Variants in ADAMTS5 observed in about 807,000 individuals in gnomAD.
The protein encoded by ADAMTS5 is A disintegrin and metalloproteinase with thrombospondin motifs 5.
A neutral mutation model predicts 81.4 loss-of-function variants in ADAMTS5; 54 were observed. The ratio of observed to expected loss-of-function variants is 0.66; its 90% confidence interval spans 0.53 to 0.83. The LOEUF is 0.83. ADAMTS5 is among the 40% of genes least tolerant of loss of function. ADAMTS5 has a pLI of 0.00. For synonymous variants in ADAMTS5, 532 were observed against 508.8 expected (o/e 1.05, Z -0.61); for missense variants, 1,194 against 1,229.9 (o/e 0.97, Z 0.44).
rs1349876116 is a variant in ADAMTS5 at position 26,920,705 on chromosome 21, G to A, written c.*3348C>T. On this transcript the variant is annotated 3_prime_UTR_variant, in exon 8 of 8. Coordinates refer to ENST00000284987, the MANE Select transcript of ADAMTS5 (RefSeq NM_007038.5). ...TCTGTAGGAAGCTTCTAGGCTATTT[G>A]TGTACCCAAATTTAAAACTTGCACC... The A allele has an allele frequency of 2.6e-5, 4 of 152,050 alleles. No homozygotes were observed. Among genetic ancestry groups the A allele is most frequent in the Non-Finnish European group, 5.9e-5 (4 of 67,964 alleles). 9.4% of individuals were successfully genotyped at this position (152,050 alleles called of 1,614,324 possible).
chr21:26,928,667 CTT>C (rs1404534652), intron 7 of ADAMTS5, among the ~76,000 whole-genome samples: 11 of 146,944 alleles, frequency 7.5e-5, no homozygotes, highest in Admixed American at 4.7e-4. Context: ...CTTTCTTTCT[CTT>C]TCTTTCTTTC....
At chr21:26,924,733 T>G (rs1986776488) in intron 7 of ADAMTS5, 113 bp from the exon 8 acceptor site, 2 of 894,560 alleles carry the variant, frequency 2.2e-6, no homozygotes, top group African/African-American at 3.3e-5. Flanking sequence ...TAAAAAGTCT[T>G]CTCTTAACAC....
chr21:26,963,633 T>C (rs553712829), intron 1 of ADAMTS5, among the ~76,000 whole-genome samples: 18 of 62,432 alleles, frequency 2.9e-4, no homozygotes, highest in African/African-American at 1.0e-3. Context: ...ACACGGAAAG[T>C]TGCTTACCAA....
intron 3 of ADAMTS5, among the ~76,000 whole-genome samples, chr21:26,940,059 T>C (rs1987084857): frequency 6.6e-6 from 1 of 152,238 alleles, no homozygotes; most frequent in Non-Finnish European, 1.5e-5. Flanking sequence ...TCAGTACTAA[T>C]GAATTTACAT....
chr21:26,932,841 G>A lies in ADAMTS5; in HGVS notation c.1873+20C>T. 8 of 1,585,780 alleles carry A rather than the reference G, an allele frequency of 5.0e-6. No homozygotes were observed. The highest frequency in any genetic ancestry group is 6.8e-6 in the Non-Finnish European group (8 of 1,169,220). On this transcript the variant is annotated intron_variant, in intron 5 of 7. Transcript: ENST00000284987. ...TGACATGTAGCATATGATGGTTGCT[G>A]ACACTTGGGAGCAGCGTACCATTGG...
rs1250704662 is a variant in ADAMTS5 at position 26,965,871 on chromosome 21, G to T, written c.521C>A (p.Ala174Glu). The change falls in exon 1 of 8, where the codon GCG becomes GAG. Residue 174 changes from alanine to glutamate, a missense_variant. Physicochemically the swap from Ala to Glu is moderately radical, Grantham distance 107. Coordinates refer to ENST00000284987, the MANE Select transcript of ADAMTS5 (RefSeq NM_007038.5). The stretch of plus-strand genomic sequence containing the variant: ...GTACACGCGCCCCTTTTCTTCCTCC[G>T]CCCAGGGTCCGCGCAGCAGTGGCTT... ...TLKPLLRGPW[A>E]EEEKGRVYGD... The T allele has an allele frequency of 1.2e-6, 2 of 1,613,580 alleles. No individual in the cohort carries two copies. The highest frequency in any genetic ancestry group is 2.2e-5 in the East Asian group (1 of 44,848).
chr21:26,924,829 TTTAA>T (rs1174555802), intron 7 of ADAMTS5, among the ~76,000 whole-genome samples: 1 of 152,228 alleles, frequency 6.6e-6, no homozygotes, highest in African/African-American at 2.4e-5. Context: ...TTGTATACAC[TTTAA>T]TTGAGGTGTT....
intron 3 of ADAMTS5, among the ~76,000 whole-genome samples, chr21:26,938,481 C>T (rs1216073613): frequency 6.6e-6 from 1 of 152,176 alleles, no homozygotes; most frequent in Non-Finnish European, 1.5e-5. Flanking sequence ...ATATGTCTGA[C>T]TTATAGCACT....
At chr21:26,964,791 A>G (rs28483968) in intron 1 of ADAMTS5, among the ~76,000 whole-genome samples, 77,741 of 152,134 alleles carry the variant, frequency 0.51, 20,039 homozygotes, top group African/African-American at 0.56. Context: ...AACAGAAGGG[A>G]TTCTAGTAAA....
At position 26,918,308 on chromosome 21, in the gene ADAMTS5, T is replaced by TTCAATGA. The variant is rs772117300; in HGVS notation, c.*5738_*5744dup. 12 of 152,474 alleles carry TTCAATGA rather than the reference T, an allele frequency of 7.9e-5. No individual in the cohort carries two copies. Among genetic ancestry groups the TTCAATGA allele is most frequent in the African/African-American group, 2.4e-5 (1 of 41,430 alleles). 9.4% of individuals were successfully genotyped at this position (152,474 alleles called of 1,614,324 possible). On this transcript the variant is annotated 3_prime_UTR_variant, in exon 8 of 8. Coordinates refer to ENST00000284987, the MANE Select transcript of ADAMTS5 (RefSeq NM_007038.5). ...ACATCTTATATACAGTATGTAAATC[T>TTCAATGA]TCAATGATTTTCTCTACCATCAAAG...
intron 2 of ADAMTS5, among the ~76,000 whole-genome samples, chr21:26,946,655 C>T (rs886691970): frequency 6.6e-6 from 1 of 152,076 alleles, no homozygotes; most frequent in African/African-American, 2.4e-5. Context: ...ATTAGATATC[C>T]CTGTCTCAGA....
chr21:26,945,882 A>G (rs1277225720), intron 2 of ADAMTS5, among the ~76,000 whole-genome samples: 1 of 152,168 alleles, frequency 6.6e-6, no homozygotes, highest in Admixed American at 6.5e-5. Flanking sequence ...TCACCTCAGC[A>G]AGGGGATGTG....
At chr21:26,958,830 G>T (rs968225472) in intron 1 of ADAMTS5, among the ~76,000 whole-genome samples, 1 of 152,218 alleles carries the variant, frequency 6.6e-6, no homozygotes, top group Non-Finnish European at 1.5e-5. Context: ...GAGAACAGAA[G>T]AGGCATTGAT....
intron 7 of ADAMTS5, among the ~76,000 whole-genome samples, chr21:26,929,190 A>G (rs899889687): frequency 7.2e-5 from 11 of 152,184 alleles, no homozygotes; most frequent in African/African-American, 2.7e-4. Flanking sequence ...AAGAATACAG[A>G]TACATTTGAC....
rs974144258 is a variant in ADAMTS5 at position 26,921,979 on chromosome 21, A to G, written c.*2074T>C. The G allele has an allele frequency of 1.3e-5, 2 of 152,262 alleles. No individual in the cohort carries two copies. The highest frequency in any genetic ancestry group is 1.5e-5 in the Non-Finnish European group (1 of 67,966). The allele number at this position is 152,262 out of a possible 1,614,324, so 9.4% of individuals were successfully genotyped here. A position where few individuals can be genotyped will look rare whatever the true frequency, so the allele number is the denominator to read the frequency against. On this transcript the variant is annotated 3_prime_UTR_variant, in exon 8 of 8. Transcript: ENST00000284987. ...TTTGTCACATTTGAGTTACTTGATT[A>G]AAATTATTTCCAAAATGGAAAAAAG...
At chr21:26,928,244 G>A (rs955361139) in intron 7 of ADAMTS5, among the ~76,000 whole-genome samples, 2 of 152,076 alleles carry the variant, frequency 1.3e-5, no homozygotes, top group African/African-American at 4.8e-5. Context: ...TACAAATATT[G>A]CAGTATGAGA....
Position 26,965,955 on chromosome 21 carries a change from A to C in ADAMTS5, c.437T>G (p.Phe146Cys). Reference sequence around the variant, plus strand: ...GCCGTCGAGACCCCCACAGAGGTCAAAGACAGCCAGAGAGCGGGGACTACC... The same window carrying C: ...GCCGTCGAGACCCCCACAGAGGTCACAGACAGCCAGAGAGCGGGGACTACC... ...VDGSPRSLAV[F>C]DLCGGLDGFF... Residue 146 changes from phenylalanine (F) to cysteine (C), a missense_variant, in exon 1 of 8, where the codon TTT becomes TGT. By Grantham distance (205) the Phe-to-Cys change is radical. Coordinates refer to ENST00000284987, the MANE Select transcript of ADAMTS5 (RefSeq NM_007038.5). 6.2e-7 allele frequency: 1 copy of C among 1,613,552 alleles called. No homozygotes were observed. The highest frequency in any genetic ancestry group is 8.5e-7 in the Non-Finnish European group (1 of 1,179,906).
At chr21:26,933,074 T>G in intron 4 of ADAMTS5, 30 bp from the exon 5 acceptor site, 2 of 1,577,858 alleles carry the variant, frequency 1.3e-6, no homozygotes, top group Non-Finnish European at 1.7e-6. Context: ...ATATTTTAAC[T>G]CCAATGAGAG....
chr21:26,934,828 G>A, intron 3 of ADAMTS5, 79 bp from the exon 4 acceptor site: 4 of 1,549,890 alleles, frequency 2.6e-6, no homozygotes, highest in Non-Finnish European at 3.5e-6. Flanking sequence ...AAAATGAAAT[G>A]CCCCGGCTGG....
Sources: allele counts gnomAD v4.1 joint callset (sites outside exome capture counted in the v4.1 genomes callset), GRCh38; gene constraint gnomAD v4.1.1; transcripts MANE v1.5; gene names NCBI Gene and HGNC (gene_info 2026-07-23, HGNC 2026-07-21).